PRICKLE2: variants seen among roughly 807,000 people sequenced by gnomAD.
PRICKLE2 encodes prickle-like protein 2.
Under a neutral mutation model 81.4 loss-of-function variants are expected in PRICKLE2, and 21 were observed. The ratio of observed to expected loss-of-function variants is 0.26; its 90% CI spans 0.18 to 0.37. The LOEUF is 0.37. Among genes scored for constraint, PRICKLE2 ranks in the 10% least tolerant of loss-of-function variants. PRICKLE2 has a pLI of 1.00. For missense variants in PRICKLE2, 940 were observed against 1,109.0 expected, an observed-to-expected ratio of 0.85 and a Z score of 2.16; for synonymous variants, 456 against 421.5, an observed-to-expected ratio of 1.08 and a Z score of -1.00.
At chr3:64,186,695 T>C (rs933354425) in intron 2 of PRICKLE2, among the ~76,000 whole-genome samples, 10 of 152,156 alleles carry the variant, frequency 6.6e-5, no homozygotes, top group African/African-American at 2.2e-4. Flanking sequence ...GTTGAACGAA[T>C]AAATGGCTGA....
intron 7 of PRICKLE2, among the ~76,000 whole-genome samples, chr3:64,145,055 A>G (rs2077423596): frequency 6.6e-6 from 1 of 151,292 alleles, no homozygotes; most frequent in Admixed American, 6.6e-5. Context: ...ATTTAAAAAT[A>G]TTTTTTAAAT....
At chr3:64,190,764 C>A (rs540479308) in intron 2 of PRICKLE2, among the ~76,000 whole-genome samples, 1 of 152,296 alleles carries the variant, frequency 6.6e-6, no homozygotes, top group South Asian at 2.1e-4. Flanking sequence ...AATCAAGGAG[C>A]CTCTGCTGAC....
At chr3:64,104,238 T>G (rs980262980) in intron 7 of PRICKLE2, among the ~76,000 whole-genome samples, 1 of 152,066 alleles carries the variant, frequency 6.6e-6, no homozygotes, top group Non-Finnish European at 1.5e-5. Flanking sequence ...TTCCAGAGCC[T>G]CCCCAATATG....
At chr3:64,135,357 A>G (rs3952815) in intron 7 of PRICKLE2, among the ~76,000 whole-genome samples, 37 of 152,356 alleles carry the variant, frequency 2.4e-4, no homozygotes, top group Non-Finnish European at 3.5e-4. Context: ...TCTGCAAAGT[A>G]GAACACTAAA....
chr3:64,169,731 G>T (rs1180170822), intron 2 of PRICKLE2, among the ~76,000 whole-genome samples: 1 of 152,088 alleles, frequency 6.6e-6, no homozygotes, highest in Non-Finnish European at 1.5e-5. Context: ...CTTAACCCAG[G>T]GACTAATTCG....
intron 2 of PRICKLE2, among the ~76,000 whole-genome samples, chr3:64,178,284 AC>A (rs1171403010): frequency 6.6e-6 from 1 of 151,982 alleles, no homozygotes; most frequent in Non-Finnish European, 1.5e-5. Flanking sequence ...TGTATCTTAA[AC>A]CCTTATCTAT....
At chr3:64,104,117 C>T (rs2076715003) in intron 7 of PRICKLE2, among the ~76,000 whole-genome samples, 1 of 152,170 alleles carries the variant, frequency 6.6e-6, no homozygotes, top group South Asian at 2.1e-4. Flanking sequence ...CAATTTCGTT[C>T]CTGGGATAAC....
At chr3:64,185,330 A>T (rs1465960390) in intron 2 of PRICKLE2, among the ~76,000 whole-genome samples, 1 of 152,166 alleles carries the variant, frequency 6.6e-6, no homozygotes, top group Admixed American at 6.5e-5. Flanking sequence ...TCTTTCAGTA[A>T]GTTAGGAAAA....
chr3:64,136,208 G>C (rs1348382717), intron 7 of PRICKLE2, among the ~76,000 whole-genome samples: 1 of 152,032 alleles, frequency 6.6e-6, no homozygotes. Context: ...CAGGAGGCTA[G>C]ACTCAGGGCT....
chr3:64,158,167 G>C (rs2077669198), intron 4 of PRICKLE2, among the ~76,000 whole-genome samples: 1 of 152,220 alleles, frequency 6.6e-6, no homozygotes, highest in African/African-American at 2.4e-5. Context: ...CCATGGCATG[G>C]GCCTTGAGGT....
chr3:64,206,810 A>G (rs1035678374), intron 1 of PRICKLE2, among the ~76,000 whole-genome samples: 1 of 152,262 alleles, frequency 6.6e-6, no homozygotes, highest in Admixed American at 6.5e-5. Context: ...AACAAGGGCT[A>G]AAATAACCCA....
intron 7 of PRICKLE2, among the ~76,000 whole-genome samples, chr3:64,133,832 G>A (rs1380459371): frequency 2.0e-5 from 3 of 152,176 alleles, no homozygotes; most frequent in Non-Finnish European, 2.9e-5. Context: ...AGTTACGGGG[G>A]TCAACATGGG....
chr3:64,239,348 A>G (rs1359839211), intron 2 of PRICKLE2, among the ~76,000 whole-genome samples: 2 of 152,126 alleles, frequency 1.3e-5, no homozygotes, highest in African/African-American at 2.4e-5. Context: ...TACACAGAGG[A>G]GGTTCAGCTC....
At chr3:64,126,963 C>A (rs1463667174) in intron 7 of PRICKLE2, among the ~76,000 whole-genome samples, 6 of 152,160 alleles carry the variant, frequency 3.9e-5, no homozygotes, top group African/African-American at 1.2e-4. Context: ...TTCGTGAATG[C>A]CCACTCATTT....
intron 1 of PRICKLE2, among the ~76,000 whole-genome samples, chr3:64,223,837 C>A (rs545725672): frequency 6.6e-6 from 1 of 152,146 alleles, no homozygotes; most frequent in Non-Finnish European, 1.5e-5. Context: ...ATTACAGCAG[C>A]CAATTTGGCC....
chr3:64,206,853 T>C (rs2078696461), intron 1 of PRICKLE2, among the ~76,000 whole-genome samples: 2 of 152,204 alleles, frequency 1.3e-5, no homozygotes, highest in South Asian at 4.1e-4. Flanking sequence ...AAATAACAGA[T>C]GTATCCTAGG....
intron 2 of PRICKLE2, among the ~76,000 whole-genome samples, chr3:64,179,375 C>T (rs571276023): frequency 1.3e-5 from 2 of 152,200 alleles, no homozygotes; most frequent in East Asian, 1.9e-4. Flanking sequence ...CGTGCCTGGC[C>T]TAACATACGT....
At chr3:64,259,828 C>T (rs906664233) in intron 2 of PRICKLE2, among the ~76,000 whole-genome samples, 1 of 152,120 alleles carries the variant, frequency 6.6e-6, no homozygotes, top group Non-Finnish European at 1.5e-5. Flanking sequence ...GAAGCCGGGA[C>T]AGACTCTCTC....
chr3:64,150,389 T>C lies in PRICKLE2; in HGVS notation c.788-2687A>G, dbSNP rs191146746. 2.1e-3 allele frequency among the ~76,000 whole-genome samples: 321 copies of C among 152,244 alleles called. 1 individual carries two copies. The highest frequency in any genetic ancestry group is 6.5e-3 in the African/African-American group (271 of 41,548). Reference sequence around the variant, plus strand: ...TACTTGGTAATGGAGTTAACATGCATGGAGTGCTGAGAACTGGGCCTACTG... The same window carrying C: ...TACTTGGTAATGGAGTTAACATGCACGGAGTGCTGAGAACTGGGCCTACTG... On this transcript the variant is annotated intron_variant, in intron 6 of 7. Transcript: ENST00000638394.
Sources: allele counts gnomAD v4.1 joint callset (sites outside exome capture counted in the v4.1 genomes callset), GRCh38; gene constraint gnomAD v4.1.1; transcripts MANE v1.5; gene names NCBI Gene and HGNC (gene_info 2026-07-23, HGNC 2026-07-21).